Variants in ATG10 observed in about 807,000 individuals in gnomAD.
The protein encoded by ATG10 is autophagy related 10, also known as ubiquitin-like-conjugating enzyme ATG10.
A neutral mutation model predicts 32.1 loss-of-function variants in ATG10; 30 were observed. The ratio of observed to expected loss-of-function variants is 0.94; its 90% CI spans 0.70 to 1.27. The LOEUF is 1.27. ATG10 is among the 50% of genes most tolerant of loss of function. ATG10 has a pLI of 0.00. For missense variants in ATG10, 233 were observed against 262.3 expected (o/e 0.89, Z 0.77); for synonymous variants, 87 against 91.5 (o/e 0.95, Z 0.28).
intron 4 of ATG10, among the ~76,000 whole-genome samples, chr5:82,171,262 T>C (rs1743797948): frequency 6.6e-6 from 1 of 152,240 alleles, no homozygotes; most frequent in Non-Finnish European, 1.5e-5. Context: ...TGCTCCTTTA[T>C]GTGCTATTGG....
At chr5:81,979,960 C>T (rs1395045891) in intron 1 of ATG10, among the ~76,000 whole-genome samples, 3 of 151,830 alleles carry the variant, frequency 2.0e-5, no homozygotes, top group Non-Finnish European at 2.9e-5. Context: ...TTCCATCAAA[C>T]AATATGCATT....
chr5:82,049,500 T>C (rs571205453), intron 2 of ATG10, among the ~76,000 whole-genome samples: 1 of 151,932 alleles, frequency 6.6e-6, no homozygotes, highest in African/African-American at 2.4e-5. Context: ...TGTATGCATA[T>C]GTAACCAACC....
chr5:82,227,137 C>CATTCTATT (rs1746163681), intron 5 of ATG10, among the ~76,000 whole-genome samples: 1 of 151,742 alleles, frequency 6.6e-6, no homozygotes, highest in Non-Finnish European at 1.5e-5. Context: ...TCCTATATGC[C>CATTCTATT]CCCTCTTGTA....
At chr5:82,108,871 G>C (rs1765523461) in intron 3 of ATG10, among the ~76,000 whole-genome samples, 1 of 146,208 alleles carries the variant, frequency 6.8e-6, no homozygotes, top group Admixed American at 7.2e-5. Context: ...AACAGCTAGG[G>C]GAGTGGGATG....
Position 82,024,242 on chromosome 5 carries a change from T to G in ATG10, c.109-34253T>G, listed in dbSNP as rs577458144. Among the ~76,000 whole-genome samples the G allele has an allele frequency of 1.1e-3, 174 of 152,324 alleles. 2 individuals are homozygous for G. Among genetic ancestry groups the G allele is most frequent in the Admixed American group, 2.2e-3 (34 of 15,296 alleles). On this transcript the variant is annotated intron_variant, in intron 2 of 7. Transcript: ENST00000282185. The stretch of plus-strand genomic sequence containing the variant: ...TCACTAACCATAGAGTATACTATTC[T>G]GTCTTCCAGCTTCTTTCCGAGATGG...
At chr5:82,052,329 G>C (rs1172502128) in intron 2 of ATG10, among the ~76,000 whole-genome samples, 1 of 152,140 alleles carries the variant, frequency 6.6e-6, no homozygotes, top group African/African-American at 2.4e-5. Flanking sequence ...CCCTATGACA[G>C]CTTGTACTAA....
intron 5 of ATG10, among the ~76,000 whole-genome samples, chr5:82,211,099 G>A (rs1745475063): frequency 1.3e-5 from 2 of 152,114 alleles, no homozygotes; most frequent in Non-Finnish European, 2.9e-5. Context: ...TCATCATAAA[G>A]AAAACTTCTG....
At chr5:82,130,611 C>T (rs1424036569) in intron 3 of ATG10, among the ~76,000 whole-genome samples, 1 of 151,584 alleles carries the variant, frequency 6.6e-6, no homozygotes, top group Non-Finnish European at 1.5e-5. Flanking sequence ...GTTCCCCGAC[C>T]CCTTGTGCTT....
intron 4 of ATG10, among the ~76,000 whole-genome samples, chr5:82,175,887 GCACACACA>G (rs146858605): frequency 2.3e-5 from 3 of 129,494 alleles, no homozygotes; most frequent in Non-Finnish European, 3.6e-5. Context: ...ACACACACAC[GCACACACA>G]CACACACACA....
At chr5:82,187,302 G>A (rs1744486743) in intron 5 of ATG10, among the ~76,000 whole-genome samples, 1 of 152,012 alleles carries the variant, frequency 6.6e-6, no homozygotes, top group Admixed American at 6.5e-5. Context: ...CTTGAGGTCA[G>A]GAGTTCGAGA....
intron 2 of ATG10, among the ~76,000 whole-genome samples, chr5:82,058,144 C>T (rs142245249): frequency 1.3e-5 from 2 of 152,250 alleles, no homozygotes; most frequent in African/African-American, 2.4e-5. Flanking sequence ...AAATTGTTCT[C>T]TATGTGTATG....
chr5:82,113,284 T>A (rs1447017227), intron 3 of ATG10, among the ~76,000 whole-genome samples: 1 of 151,982 alleles, frequency 6.6e-6, no homozygotes, highest in African/African-American at 2.4e-5. Flanking sequence ...CAGAAGCATA[T>A]TTTGCCTTGA....
At chr5:82,194,091 T>TTG (rs758786485) in intron 5 of ATG10, among the ~76,000 whole-genome samples, 3 of 152,194 alleles carry the variant, frequency 2.0e-5, no homozygotes, top group Non-Finnish European at 4.4e-5. Context: ...CAAGAAATTA[T>TTG]TGTGTCAACT....
chr5:82,198,624 A>G (rs997837458), intron 5 of ATG10, among the ~76,000 whole-genome samples: 1 of 152,182 alleles, frequency 6.6e-6, no homozygotes, highest in Admixed American at 6.5e-5. Flanking sequence ...GCCCCCAAAA[A>G]CAGAGATTTT....
At chr5:82,165,802 C>G (rs1348541835) in intron 4 of ATG10, among the ~76,000 whole-genome samples, 1 of 152,136 alleles carries the variant, frequency 6.6e-6, no homozygotes, top group African/African-American at 2.4e-5. Context: ...TTTGTTTATT[C>G]AGGGGGAGGA....
At chr5:82,111,249 T>G (rs1340294830) in intron 3 of ATG10, 1 of 152,042 alleles carries the variant, frequency 6.6e-6, no homozygotes, top group Non-Finnish European at 1.5e-5. Flanking sequence ...CACCATAATT[T>G]TTTTACCTTG....
chr5:82,009,566 C>T, intron 2 of ATG10: 2 of 1,529,558 alleles, frequency 1.3e-6, no homozygotes, highest in African/African-American at 1.4e-5. Context: ...AAGGAATGGT[C>T]TGGTGGTTAA....
chr5:82,209,273 T>TTA (rs143143381), intron 5 of ATG10, among the ~76,000 whole-genome samples: 2,180 of 152,288 alleles, frequency 0.014, 37 homozygotes, highest in African/African-American at 0.049. Context: ...TTTTCTACTG[T>TTA]TATATATTGC....
intron 3 of ATG10, among the ~76,000 whole-genome samples, chr5:82,118,847 A>T (rs902227272): frequency 6.6e-6 from 1 of 152,164 alleles, no homozygotes; most frequent in Admixed American, 6.5e-5. Flanking sequence ...GGAGCTAACA[A>T]AGCAACTGAG....
Sources: gnomAD v4.1 joint callset for allele counts (sites outside exome capture counted in the v4.1 genomes callset) on GRCh38, gnomAD v4.1.1 for gene constraint, MANE v1.5 for transcripts, NCBI Gene and HGNC (gene_info 2026-07-23, HGNC 2026-07-21) for gene names.